RGS8: variants seen among roughly 807,000 people sequenced by gnomAD.
RGS8 encodes regulator of G-protein signaling 8.
A neutral mutation model predicts 21.7 loss-of-function variants in RGS8; 8 were observed. That is an observed-to-expected ratio of 0.37 (90% CI 0.22 to 0.66). The LOEUF (loss-of-function observed/expected upper bound fraction) is 0.66. Among genes scored for constraint, RGS8 ranks in the 30% least tolerant of loss-of-function variants. RGS8 has a pLI of 0.59. For synonymous variants in RGS8, 80 were observed against 83.6 expected, an observed-to-expected ratio of 0.96 and a Z score of 0.24; for missense variants, 157 against 217.9, an observed-to-expected ratio of 0.72 and a Z score of 1.76.
At chr1:182,725,027 G>C in the RGS8 span, among the ~76,000 whole-genome samples, 3 of 152,116 alleles carry the variant, frequency 2.0e-5, no homozygotes, top group African/African-American at 4.8e-5. Flanking sequence ...AGAGGGAAAG[G>C]CTGATGGGTT....
chr1:182,661,648 A>G (rs1034420205), intron 5 of RGS8, among the ~76,000 whole-genome samples: 43 of 152,148 alleles, frequency 2.8e-4, no homozygotes, highest in Non-Finnish European at 3.8e-4. Context: ...CTAAACAAAT[A>G]AAAAAAGTTT....
At chr1:182,742,460 A>G in the RGS8 span, among the ~76,000 whole-genome samples, 1 of 152,166 alleles carries the variant, frequency 6.6e-6, no homozygotes, top group Non-Finnish European at 1.5e-5. Flanking sequence ...TTGAGCACTG[A>G]GTGAACGAGA....
At chr1:182,669,501 A>T (rs1164927811) in intron 3 of RGS8, 123 bp downstream of exon 4, 2 of 1,390,364 alleles carry the variant, frequency 1.4e-6, no homozygotes, top group East Asian at 4.6e-5. Context: ...CTATGGGGAC[A>T]GATGAAAGTA....
upstream of RGS8, among the ~76,000 whole-genome samples, chr1:182,677,272 A>T (rs1285470666): frequency 6.6e-6 from 1 of 152,224 alleles, no homozygotes; most frequent in Non-Finnish European, 1.5e-5. Context: ...GCAATGTCAT[A>T]GTCTCGTTAT....
At chr1:182,678,009 TAA>T (rs1001691418) in intron 1 of RGS8, among the ~76,000 whole-genome samples, 1 of 152,228 alleles carries the variant, frequency 6.6e-6, no homozygotes, top group African/African-American at 2.4e-5. Flanking sequence ...GATTCAAATG[TAA>T]AATTTTAAAA....
exon 7 of RGS8, chr1:182,646,507 C>T (rs1008346175): frequency 3.5e-5 from 17 of 489,364 alleles, no homozygotes; most frequent in African/African-American, 2.5e-4. Flanking sequence ...AGGGTGACAG[C>T]GGCAAGGCGC....
chr1:182,663,804 C>A (rs1329919792), intron 5 of RGS8, among the ~76,000 whole-genome samples: 1 of 152,196 alleles, frequency 6.6e-6, no homozygotes, highest in Non-Finnish European at 1.5e-5. Flanking sequence ...GCTGGGACTA[C>A]AGGCACATGC....
At chr1:182,677,245 T>C (rs993110430), upstream of RGS8, among the ~76,000 whole-genome samples, 4 of 152,172 alleles carry the variant, frequency 2.6e-5, no homozygotes, top group African/African-American at 9.7e-5. Flanking sequence ...ATGGATAAAA[T>C]GAAGATAATA....
the RGS8 span, among the ~76,000 whole-genome samples, chr1:182,745,524 A>G: frequency 6.6e-6 from 1 of 152,236 alleles, no homozygotes; most frequent in African/African-American, 2.4e-5. Flanking sequence ...CTTGAAAGTA[A>G]TAAAATGGAC....
At chr1:182,689,307 C>CACA (rs1664774988), upstream of RGS8, among the ~76,000 whole-genome samples, 1 of 142,962 alleles carries the variant, frequency 7.0e-6, no homozygotes, top group Admixed American at 6.9e-5. Flanking sequence ...ACACACACAC[C>CACA]CCACAAGTGA....
At chr1:182,696,888 G>A in the RGS8 span, among the ~76,000 whole-genome samples, 1 of 152,206 alleles carries the variant, frequency 6.6e-6, no homozygotes, top group South Asian at 2.1e-4. Context: ...AGACTGGTTG[G>A]TCTAGAATGC....
chr1:182,742,313 C>T, the RGS8 span, among the ~76,000 whole-genome samples: 8 of 151,140 alleles, frequency 5.3e-5, no homozygotes, highest in African/African-American at 1.5e-4. Flanking sequence ...CAGGCGGAGA[C>T]GCTCCTCACT....
the RGS8 span, among the ~76,000 whole-genome samples, chr1:182,692,686 A>T: frequency 1.3e-5 from 2 of 150,664 alleles, no homozygotes; most frequent in Non-Finnish European, 3.0e-5. Context: ...AAAAAAAAAA[A>T]AAAAAAAAAA....
chr1:182,671,064 T>C (rs1265920315), intron 2 of RGS8, among the ~76,000 whole-genome samples: 3 of 152,142 alleles, frequency 2.0e-5, no homozygotes, highest in Admixed American at 6.5e-5. Flanking sequence ...GCAAGGTCAT[T>C]TGGGGCAGGG....
At chr1:182,736,083 C>T in the RGS8 span, among the ~76,000 whole-genome samples, 17 of 152,180 alleles carry the variant, frequency 1.1e-4, 1 homozygote, top group South Asian at 6.2e-4. Flanking sequence ...TACAACAATA[C>T]ATTGATTAAA....
At chr1:182,733,902 AT>A in the RGS8 span, 1 of 151,222 alleles carries the variant, frequency 6.6e-6, no homozygotes, top group Non-Finnish European at 1.5e-5. Context: ...TTATTTATTT[AT>A]TTATTTATTT....
At chr1:182,646,866 G>C (rs1662726649) in exon 7 of RGS8, 1 of 1,614,002 alleles carries the variant, frequency 6.2e-7, no homozygotes, top group African/African-American at 1.3e-5. Flanking sequence ...GTCAGGGATG[G>C]CTCCTGCAGG....
At chr1:182,719,341 A>G in the RGS8 span, among the ~76,000 whole-genome samples, 1 of 127,956 alleles carries the variant, frequency 7.8e-6, no homozygotes, top group East Asian at 2.2e-4. Flanking sequence ...AAATGATACC[A>G]CAAGAAAAGA....
the RGS8 span, among the ~76,000 whole-genome samples, chr1:182,709,622 C>A: frequency 6.6e-6 from 1 of 152,162 alleles, no homozygotes; most frequent in South Asian, 2.1e-4. Flanking sequence ...CTGGGTGATA[C>A]TATATCTCAT....
Sources: gnomAD v4.1 joint callset for allele counts (sites outside exome capture counted in the v4.1 genomes callset) on GRCh38, gnomAD v4.1.1 for gene constraint, MANE v1.5 for transcripts, NCBI Gene and HGNC (gene_info 2026-07-23, HGNC 2026-07-21) for gene names.